Variants in RAP1GAP2 observed in about 807,000 individuals in gnomAD.
The protein encoded by RAP1GAP2 is rap1 GTPase-activating protein 2.
In RAP1GAP2, 27 loss-of-function variants were observed where a neutral mutation model predicts 95.0. That is an observed-to-expected ratio of 0.28 (90% CI 0.21 to 0.39). The LOEUF (loss-of-function observed/expected upper bound fraction) is 0.39. Ranked by LOEUF, RAP1GAP2 falls within the 10% of genes least tolerant of loss-of-function variation. RAP1GAP2 has a pLI of 1.00. For missense variants in RAP1GAP2, 771 were observed against 970.0 expected, an observed-to-expected ratio of 0.79 and a Z score of 2.72; for synonymous variants, 373 against 380.9, an observed-to-expected ratio of 0.98 and a Z score of 0.24.
At chr17:2,765,616 G>A (rs1414915644) in intron 1 of RAP1GAP2, among the ~76,000 whole-genome samples, 1 of 151,726 alleles carries the variant, frequency 6.6e-6, no homozygotes, top group Non-Finnish European at 1.5e-5. Context: ...GGTGGTGGGC[G>A]CCTGTAGTCC....
chr17:2,963,346 C>A lies in RAP1GAP2; in HGVS notation c.247-84C>A. 2 of 1,476,870 alleles carry A rather than the reference C, an allele frequency of 1.4e-6. No homozygotes were observed. Among genetic ancestry groups the A allele is most frequent in the Admixed American group, 1.7e-5 (1 of 59,528 alleles). The allele number at this position is 1,476,870 out of a possible 1,614,324, so 91.5% of individuals were successfully genotyped here. A position where few individuals can be genotyped will look rare whatever the true frequency, so the allele number is the denominator to read the frequency against. ...CCCTCAAAGCCCCCCCACAACATAT[C>A]CCCCTTGCAAGACCTGGAAACAGTG... On this transcript the variant is annotated intron_variant, in intron 5 of 24. Transcript: ENST00000254695. The surrounding 1 kb of genome is among the most constrained non-coding windows in gnomAD (Gnocchi z 4.8).
chr17:2,893,006 T>G (rs2073770266), intron 2 of RAP1GAP2, among the ~76,000 whole-genome samples: 1 of 152,076 alleles, frequency 6.6e-6, no homozygotes, highest in Non-Finnish European at 1.5e-5. Context: ...AGTCTTTTCA[T>G]CATATTTCTT....
intron 10 of RAP1GAP2, among the ~76,000 whole-genome samples, chr17:2,982,785 G>A (rs1284488234): frequency 6.6e-6 from 1 of 152,060 alleles, no homozygotes; most frequent in Non-Finnish European, 1.5e-5. Flanking sequence ...TATTTGCAGA[G>A]TTCTCTCTAT....
chr17:2,991,314 A>G lies in RAP1GAP2; in HGVS notation c.831A>G (p.Leu277=), dbSNP rs749217911. 4.4e-5 allele frequency: 70 copies of G among 1,603,682 alleles called. No individual in the cohort carries two copies. The highest frequency in any genetic ancestry group is 5.5e-5 in the Non-Finnish European group (65 of 1,174,810). ...TCTTTCAGACCCTGGAGGAGGAGCT[A>G]TTTGGGAACAATGAGGAGAGCCCAG... ...QKARQTLEEE[L]FGNNEESPAF... The change falls in exon 12 of 25, where the codon CTA becomes CTG. Residue 277 remains leucine, a synonymous_variant. Coordinates refer to ENST00000254695, the MANE Select transcript of RAP1GAP2 (RefSeq NM_015085.5).
At chr17:3,020,652 C>T (rs1567905885) in intron 19 of RAP1GAP2, 57 bp downstream of exon 19, 6 of 1,467,940 alleles carry the variant, frequency 4.1e-6, no homozygotes, top group South Asian at 3.6e-5. Flanking sequence ...CAACCCCCTC[C>T]ACTGCTACAG....
intron 2 of RAP1GAP2, among the ~76,000 whole-genome samples, chr17:2,802,581 G>C (rs2069348231): frequency 6.6e-6 from 1 of 152,092 alleles, no homozygotes. Context: ...CGCGGTGGCG[G>C]GCACCTGTAA....
chr17:3,032,506 A>G, intron 24 of RAP1GAP2, 57 bp downstream of exon 24: 1 of 1,536,666 alleles, frequency 6.5e-7, no homozygotes, highest in Non-Finnish European at 9.0e-7. Flanking sequence ...TTTCTTTTAG[A>G]TCAGGGAACT....
chr17:2,972,180 A>G (rs1235264624), intron 8 of RAP1GAP2, among the ~76,000 whole-genome samples: 3 of 152,232 alleles, frequency 2.0e-5, no homozygotes, highest in Non-Finnish European at 4.4e-5. Context: ...AGAAATTGAA[A>G]AAGTTCTCAA....
rs397955481 is a variant in RAP1GAP2 at position 2,879,725 on chromosome 17, C to CAA, written c.81-25546_81-25545dup. Among the ~76,000 whole-genome samples, 529 of 139,502 alleles carry CAA rather than the reference C, an allele frequency of 3.8e-3. 7 individuals are homozygous for CAA. The highest frequency in any genetic ancestry group is 0.036 in the South Asian group (153 of 4,264). The allele number at this position is 139,502 out of a possible 152,430, so 91.5% of individuals were successfully genotyped here. On this transcript the variant is annotated intron_variant, in intron 2 of 24. Transcript: ENST00000254695. ...TGGGCGACAGGGCGAGACTCCATCT[C>CAA]AAAAAAAAAAAAAAGAAAGTCCCTG...
intron 16 of RAP1GAP2, among the ~76,000 whole-genome samples, chr17:3,007,219 G>A (rs1396709358): frequency 6.6e-6 from 1 of 152,154 alleles, no homozygotes; most frequent in African/African-American, 2.4e-5. Flanking sequence ...GATCCAGAAG[G>A]GCTTTGAGCT....
intron 2 of RAP1GAP2, among the ~76,000 whole-genome samples, chr17:2,810,745 G>A (rs2069735088): frequency 6.6e-6 from 1 of 152,078 alleles, no homozygotes; most frequent in African/African-American, 2.4e-5. Flanking sequence ...TGGTCAGGCT[G>A]GTCGCAAACT....
At chr17:2,984,932 G>A in intron 10 of RAP1GAP2, 51 bp from the exon 11 acceptor site, 1 of 1,601,308 alleles carries the variant, frequency 6.2e-7, no homozygotes, top group South Asian at 1.1e-5. Flanking sequence ...TTCCTCACTT[G>A]CTTCCAAATT....
rs930493654 is a variant in RAP1GAP2 at position 3,004,306 on chromosome 17, C to G, written c.1201-1063C>G. Among the ~76,000 whole-genome samples the G allele has an allele frequency of 2.0e-5, 3 of 152,222 alleles. No homozygotes were observed. The highest frequency in any genetic ancestry group is 4.8e-5 in the African/African-American group (2 of 41,468). ...TTGAGAAGAGAAAGCCCGTATTGAC[C>G]AGCTCTCTCCCGCTCCGTTTCCCCT... On this transcript the variant is annotated intron_variant, in intron 14 of 24. Transcript: ENST00000254695. This position sits in a 1 kb window ranked among gnomAD's most constrained non-coding sequence, Gnocchi z 4.1.
chr17:2,791,501 A>C (rs556301255), upstream of RAP1GAP2, among the ~76,000 whole-genome samples: 1 of 152,308 alleles, frequency 6.6e-6, no homozygotes, highest in East Asian at 1.9e-4. Flanking sequence ...TAACATGGGC[A>C]CTGATGCACT....
intron 3 of RAP1GAP2, among the ~76,000 whole-genome samples, chr17:2,922,430 C>A (rs1397735578): frequency 1.3e-5 from 2 of 152,156 alleles, no homozygotes; most frequent in East Asian, 3.8e-4. Flanking sequence ...ACAGACATAT[C>A]TTTTTGGGGG....
intron 2 of RAP1GAP2, among the ~76,000 whole-genome samples, chr17:2,888,910 G>A (rs2073595085): frequency 1.3e-5 from 2 of 150,800 alleles, no homozygotes; most frequent in South Asian, 2.1e-4. Flanking sequence ...CGATCTGCCC[G>A]CCTTGGCCTC....
chr17:2,826,656 C>T (rs2070578118), intron 2 of RAP1GAP2, among the ~76,000 whole-genome samples: 2 of 151,998 alleles, frequency 1.3e-5, no homozygotes, highest in African/African-American at 4.8e-5. Flanking sequence ...GAGGGCCAGG[C>T]TAGGGTCCTA....
chr17:2,947,868 A>C (rs1174689811), intron 3 of RAP1GAP2, among the ~76,000 whole-genome samples: 5 of 151,864 alleles, frequency 3.3e-5, no homozygotes, highest in Non-Finnish European at 7.4e-5. Flanking sequence ...TTCCCTCTTC[A>C]TCCGGATGAG....
At position 2,948,717 on chromosome 17, in the gene RAP1GAP2, G is replaced by A. The variant is rs569378286; in HGVS notation, c.166-9042G>A. Among the ~76,000 whole-genome samples, 4 of 142,316 alleles carry A rather than the reference G, an allele frequency of 2.8e-5. No homozygotes were observed. In the South Asian group the frequency reaches 6.7e-4, roughly 24 times the overall value. The allele number at this position is 142,316 out of a possible 152,430, so 93.4% of individuals were successfully genotyped here. On this transcript the variant is annotated intron_variant, in intron 3 of 24. Coordinates refer to ENST00000254695, the MANE Select transcript of RAP1GAP2 (RefSeq NM_015085.5). ...TGGAGAGAAGGGGTCCTGGACTCGG[G>A]TGCAACAAGAGGGAAGGAACAGGTG...
Sources: allele counts gnomAD v4.1 joint callset (sites outside exome capture counted in the v4.1 genomes callset), GRCh38; gene constraint gnomAD v4.1.1; non-coding constraint Gnocchi (gnomAD v3.1); transcripts MANE v1.5; gene names NCBI Gene and HGNC (gene_info 2026-07-23, HGNC 2026-07-21).